Variants in TMEM163 observed in about 807,000 individuals in gnomAD.
The protein encoded by TMEM163 is transmembrane protein 163.
A neutral mutation model predicts 29.3 loss-of-function variants in TMEM163; 17 were observed. That is an observed-to-expected ratio of 0.58 (90% CI 0.40 to 0.87). The LOEUF (loss-of-function observed/expected upper bound fraction) is 0.87, where lower values mean the gene tolerates loss of function less well. TMEM163 is among the 40% of genes least tolerant of loss of function. TMEM163 has a pLI of 0.00. For missense variants in TMEM163, 303 were observed against 381.5 expected, an observed-to-expected ratio of 0.79 and a Z score of 1.71; for synonymous variants, 157 against 160.6, an observed-to-expected ratio of 0.98 and a Z score of 0.17.
chr2:134,606,891 G>C (rs56191409), intron 2 of TMEM163, among the ~76,000 whole-genome samples: 4,276 of 151,568 alleles, frequency 0.028, 209 homozygotes, highest in African/African-American at 0.098. Context: ...CAACAGGCTC[G>C]GGTGTGGCGC....
At chr2:134,686,630 T>A (rs1178407717) in intron 2 of TMEM163, among the ~76,000 whole-genome samples, 6 of 152,188 alleles carry the variant, frequency 3.9e-5, no homozygotes, top group African/African-American at 1.2e-4. Flanking sequence ...CATGATACAA[T>A]TTTTATGCAG....
intron 5 of TMEM163, among the ~76,000 whole-genome samples, chr2:134,478,487 C>T (rs988864310): frequency 1.5e-4 from 23 of 152,186 alleles, no homozygotes; most frequent in African/African-American, 5.1e-4. Context: ...AGATTGCCCA[C>T]GTATGCCTTA....
intron 2 of TMEM163, among the ~76,000 whole-genome samples, chr2:134,630,654 G>A (rs1044118354): frequency 6.6e-6 from 1 of 152,138 alleles, no homozygotes; most frequent in Admixed American, 6.5e-5. Context: ...GTTGCTGAGG[G>A]GCTGAACAGG....
At chr2:134,546,107 G>A (rs1295891809) in intron 4 of TMEM163, among the ~76,000 whole-genome samples, 1 of 152,118 alleles carries the variant, frequency 6.6e-6, no homozygotes, top group Non-Finnish European at 1.5e-5. Context: ...CTAGTTGGTA[G>A]AATTATAAAA....
chr2:134,588,060 A>T (rs1347399937), intron 2 of TMEM163, among the ~76,000 whole-genome samples: 1 of 152,248 alleles, frequency 6.6e-6, no homozygotes, highest in African/African-American at 2.4e-5. Flanking sequence ...TAACATCTCC[A>T]TAAGCCAAAG....
intron 2 of TMEM163, among the ~76,000 whole-genome samples, chr2:134,576,425 G>A (rs1219838025): frequency 2.0e-5 from 3 of 152,260 alleles, no homozygotes; most frequent in South Asian, 2.1e-4. Flanking sequence ...ATCTCATATA[G>A]ACCTAATTTT....
chr2:134,622,930 A>AT (rs1335399355), intron 2 of TMEM163, among the ~76,000 whole-genome samples: 1 of 151,978 alleles, frequency 6.6e-6, no homozygotes, highest in African/African-American at 2.4e-5. Context: ...ACCCAGCTAA[A>AT]TTTTTTGTAT....
chr2:134,652,047 T>C (rs1683492075), intron 2 of TMEM163, among the ~76,000 whole-genome samples: 1 of 139,980 alleles, frequency 7.1e-6, no homozygotes, highest in South Asian at 2.3e-4. Context: ...TGGTTCCATA[T>C]GAACTTTAGA....
intron 5 of TMEM163, among the ~76,000 whole-genome samples, chr2:134,477,283 C>A (rs1290943965): frequency 6.6e-6 from 1 of 152,232 alleles, no homozygotes; most frequent in Non-Finnish European, 1.5e-5. Context: ...TCTCAAGGAA[C>A]TTACAACCTA....
At chr2:134,691,812 G>A (rs973447223) in intron 2 of TMEM163, among the ~76,000 whole-genome samples, 7 of 152,172 alleles carry the variant, frequency 4.6e-5, no homozygotes, top group Non-Finnish European at 7.3e-5. Flanking sequence ...ATGTAACATC[G>A]CTGGTCACAC....
intron 2 of TMEM163, among the ~76,000 whole-genome samples, chr2:134,661,331 A>C (rs1042703192): frequency 6.6e-5 from 10 of 152,354 alleles, no homozygotes; most frequent in Middle Eastern, 3.4e-3. Flanking sequence ...TAAGTTACCC[A>C]GTCTCAAGTA....
At chr2:134,476,833 C>T (rs1329818265) in intron 5 of TMEM163, among the ~76,000 whole-genome samples, 2 of 152,088 alleles carry the variant, frequency 1.3e-5, no homozygotes. Flanking sequence ...TCTCACTGAC[C>T]CTGTAGTATG....
intron 2 of TMEM163, among the ~76,000 whole-genome samples, chr2:134,618,926 G>C (rs1460228209): frequency 6.6e-6 from 1 of 152,016 alleles, no homozygotes; most frequent in African/African-American, 2.4e-5. Context: ...TATCACTAAA[G>C]GAAAGCACAT....
At chr2:134,549,776 G>T (rs1462271017) in intron 4 of TMEM163, among the ~76,000 whole-genome samples, 1 of 152,124 alleles carries the variant, frequency 6.6e-6, no homozygotes, top group Non-Finnish European at 1.5e-5. Flanking sequence ...ACGTATACAT[G>T]CACATATATA....
At chr2:134,689,781 G>A (rs1684422962) in intron 2 of TMEM163, among the ~76,000 whole-genome samples, 1 of 152,202 alleles carries the variant, frequency 6.6e-6, no homozygotes, top group African/African-American at 2.4e-5. Flanking sequence ...ACAGCCAAAT[G>A]TACCACAAAG....
chr2:134,675,175 G>A (rs1422682765), intron 2 of TMEM163, among the ~76,000 whole-genome samples: 2 of 152,162 alleles, frequency 1.3e-5, no homozygotes, highest in Non-Finnish European at 2.9e-5. Context: ...CCATTTTGGG[G>A]AAGGATCCAT....
intron 2 of TMEM163, among the ~76,000 whole-genome samples, chr2:134,557,080 G>C (rs1354656162): frequency 1.3e-5 from 2 of 152,168 alleles, no homozygotes; most frequent in Non-Finnish European, 2.9e-5. Context: ...TGTTACCTGG[G>C]GAAGGACCTT....
intron 2 of TMEM163, among the ~76,000 whole-genome samples, chr2:134,592,945 C>G (rs1681972309): frequency 6.6e-6 from 1 of 151,486 alleles, no homozygotes; most frequent in African/African-American, 2.4e-5. Context: ...GTCACAAGTA[C>G]CATCTATTCT....
chr2:134,549,713 T>A (rs1380522338), intron 4 of TMEM163, among the ~76,000 whole-genome samples: 2 of 152,204 alleles, frequency 1.3e-5, no homozygotes, highest in African/African-American at 4.8e-5. Flanking sequence ...TGTGTTCAAC[T>A]GTCCAAAAGC....
Sources: allele counts gnomAD v4.1 joint callset (sites outside exome capture counted in the v4.1 genomes callset), GRCh38; gene constraint gnomAD v4.1.1; transcripts MANE v1.5; gene names NCBI Gene and HGNC (gene_info 2026-07-23, HGNC 2026-07-21).